ASIC2: variants seen among roughly 807,000 people sequenced by gnomAD.
ASIC2 encodes acid-sensing ion channel 2.
In ASIC2, 25 loss-of-function variants were observed where a neutral mutation model predicts 57.3. The ratio of observed to expected loss-of-function variants is 0.44; its 90% CI spans 0.32 to 0.61. The LOEUF is 0.61. Among genes scored for constraint, ASIC2 ranks in the 20% least tolerant of loss-of-function variants. ASIC2 has a pLI of 0.06. For synonymous variants in ASIC2, 319 were observed against 307.5 expected (o/e 1.04, Z -0.39); for missense variants, 641 against 738.1 (o/e 0.87, Z 1.52).
intron 1 of ASIC2, among the ~76,000 whole-genome samples, chr17:33,140,650 G>A (rs1019609851): frequency 6.6e-6 from 1 of 152,252 alleles, no homozygotes; most frequent in South Asian, 2.1e-4. Flanking sequence ...CACATGGTGT[G>A]TTTGGACTGA....
At chr17:33,841,976 C>T (rs935972782) in intron 1 of ASIC2, among the ~76,000 whole-genome samples, 4 of 152,070 alleles carry the variant, frequency 2.6e-5, no homozygotes, top group Admixed American at 1.3e-4. Context: ...AATATATCCA[C>T]CTTATGTACG....
At chr17:33,273,954 T>C (rs539032728) in intron 1 of ASIC2, among the ~76,000 whole-genome samples, 2 of 152,330 alleles carry the variant, frequency 1.3e-5, no homozygotes, top group South Asian at 4.1e-4. Context: ...TTTTTATTCC[T>C]TGCAATCACT....
rs867554146 is a variant in ASIC2, at chr17:33,276,556, G to A, written c.708+14852C>T. 9.2e-5 allele frequency among the ~76,000 whole-genome samples: 14 copies of A among 152,304 alleles called. No individual in the cohort carries two copies. In the Middle Eastern group the frequency reaches 0.01, roughly 111 times the overall value. On this transcript the variant is annotated intron_variant, in intron 1 of 9. Transcript: ENST00000225823. ...CTCACCTGTCATTGTCACATTTACTGATATCCACAAAATCAGAAAAGGGAG... is the reference window on the plus strand; with the variant it reads ...CTCACCTGTCATTGTCACATTTACTAATATCCACAAAATCAGAAAAGGGAG...
At chr17:33,918,862 C>A (rs776919463) in intron 1 of ASIC2, among the ~76,000 whole-genome samples, 8 of 152,162 alleles carry the variant, frequency 5.3e-5, no homozygotes, top group Non-Finnish European at 8.8e-5. Context: ...GTCATGCATG[C>A]GGAAGAAACT....
chr17:34,123,889 C>A (rs1027374494), intron 1 of ASIC2, among the ~76,000 whole-genome samples: 1 of 152,050 alleles, frequency 6.6e-6, no homozygotes, highest in Admixed American at 6.5e-5. Context: ...TCAAGACTAG[C>A]CTGGGCAACA....
At chr17:33,461,729 C>A (rs1047921160) in intron 1 of ASIC2, among the ~76,000 whole-genome samples, 1 of 152,016 alleles carries the variant, frequency 6.6e-6, no homozygotes, top group African/African-American at 2.4e-5. Flanking sequence ...TAATACCCAC[C>A]CCCTCCACAG....
chr17:33,020,518 G>A (rs1184899931), intron 7 of ASIC2, among the ~76,000 whole-genome samples: 1 of 152,152 alleles, frequency 6.6e-6, no homozygotes, highest in Non-Finnish European at 1.5e-5. Flanking sequence ...AAGGGCTCTA[G>A]AGTCAAGTCC....
chr17:33,302,305 G>A lies in ASIC2; in HGVS notation c.556-190238C>T, dbSNP rs1008719475. 7.2e-5 allele frequency among the ~76,000 whole-genome samples: 11 copies of A among 152,306 alleles called. No individual in the cohort carries two copies. The East Asian group carries it at 2.1e-3, about 29-fold the overall frequency. On this transcript the variant is annotated intron_variant, in intron 1 of 9. Coordinates refer to the ASIC2 transcript ENST00000359872. ...AGCAGTAACCATCCACTCATGTGAC[G>A]AAAAGATATGCAGCTAAAATAGGAT...
chr17:33,514,784 C>A (rs1914518580), intron 1 of ASIC2, among the ~76,000 whole-genome samples: 2 of 152,244 alleles, frequency 1.3e-5, no homozygotes, highest in Non-Finnish European at 2.9e-5. Context: ...ACCTCATGGG[C>A]TACTCCACCT....
chr17:34,032,689 CA>C (rs1251456591), intron 1 of ASIC2, among the ~76,000 whole-genome samples: 1 of 151,410 alleles, frequency 6.6e-6, no homozygotes, highest in Non-Finnish European at 1.5e-5. Flanking sequence ...AAATGGAAAA[CA>C]AAAAAAGGCA....
chr17:33,392,821 G>C (rs1177718978), intron 1 of ASIC2, among the ~76,000 whole-genome samples: 1 of 152,124 alleles, frequency 6.6e-6, no homozygotes, highest in African/African-American at 2.4e-5. Context: ...TCCTCTGAAC[G>C]CTATACTTTA....
chr17:33,604,479 G>A (rs1434597), intron 1 of ASIC2, among the ~76,000 whole-genome samples: 5,192 of 152,222 alleles, frequency 0.034, 249 homozygotes, highest in African/African-American at 0.1. Context: ...GAAGCTAGAC[G>A]AGAACTCAGG....
At chr17:33,903,897 C>T (rs1440055366) in intron 1 of ASIC2, among the ~76,000 whole-genome samples, 1 of 152,084 alleles carries the variant, frequency 6.6e-6, no homozygotes, top group Non-Finnish European at 1.5e-5. Flanking sequence ...GGCACGGTGG[C>T]TCATGCCTGT....
intron 1 of ASIC2, among the ~76,000 whole-genome samples, chr17:33,476,504 C>CATATATATATATATATATATAT (rs67811038): frequency 1.1e-4 from 14 of 122,742 alleles, no homozygotes; most frequent in South Asian, 2.9e-4. Context: ...TGTGTGTGTG[C>CATATATATATATATATATATAT]ATATATATAT....
At chr17:33,599,011 G>A (rs140340636) in intron 1 of ASIC2, among the ~76,000 whole-genome samples, 121 of 152,344 alleles carry the variant, frequency 7.9e-4, no homozygotes, top group African/African-American at 2.9e-3. Flanking sequence ...ACAAAGGGCT[G>A]CGCCTGTATG....
chr17:34,114,640 C>T (rs1911375909), intron 1 of ASIC2, among the ~76,000 whole-genome samples: 1 of 152,278 alleles, frequency 6.6e-6, no homozygotes, highest in South Asian at 2.1e-4. Flanking sequence ...TGGTACCTAG[C>T]ATCATTCTTT....
chr17:33,138,530 C>T (rs777289656), intron 1 of ASIC2, among the ~76,000 whole-genome samples: 2 of 152,178 alleles, frequency 1.3e-5, no homozygotes, highest in Non-Finnish European at 1.5e-5. Context: ...TACACTTCTT[C>T]CTGCCAAGAA....
At chr17:33,694,198 A>C (rs35748129) in intron 1 of ASIC2, among the ~76,000 whole-genome samples, 4,347 of 152,288 alleles carry the variant, frequency 0.029, 210 homozygotes, top group African/African-American at 0.1. Flanking sequence ...AGCCAAGGCC[A>C]TGGGGTTTAA....
At chr17:33,343,558 T>A (rs185230851) in intron 1 of ASIC2, among the ~76,000 whole-genome samples, 11 of 152,332 alleles carry the variant, frequency 7.2e-5, no homozygotes, top group African/African-American at 2.6e-4. Flanking sequence ...AGTCTACGGC[T>A]TGTTTTTTCC....
Sources: gnomAD v4.1 joint callset for allele counts (sites outside exome capture counted in the v4.1 genomes callset) on GRCh38, gnomAD v4.1.1 for gene constraint, MANE v1.5 for transcripts, NCBI Gene and HGNC (gene_info 2026-07-23, HGNC 2026-07-21) for gene names.